Variants in TRIB3 observed in about 807,000 individuals in gnomAD.
TRIB3 encodes the protein tribbles pseudokinase 3, also known as tribbles homolog 3.
TRIB3 carries 20 observed loss-of-function variants against 16.6 expected under a neutral mutation model. That is an observed-to-expected ratio of 1.20 (90% CI 0.85 to 1.75). TRIB3 has a LOEUF of 1.75. Ranked by LOEUF, TRIB3 falls within the 40% of genes most tolerant of loss-of-function variation. TRIB3 has a pLI of 0.00. For synonymous variants in TRIB3, 208 were observed against 217.0 expected (o/e 0.96, Z 0.36); for missense variants, 484 against 488.9 (o/e 0.99, Z 0.10).
intron 3 of TRIB3, among the ~76,000 whole-genome samples, chr20:394,079 G>C (rs1291611163): frequency 7.4e-6 from 1 of 134,994 alleles, no homozygotes; most frequent in Non-Finnish European, 1.5e-5. Flanking sequence ...TGCCCAGGTT[G>C]GAGTGCAGTG....
At chr20:382,703 C>A (rs1352900401) in intron 1 of TRIB3, 9 of 965,790 alleles carry the variant, frequency 9.3e-6, no homozygotes, top group Admixed American at 2.0e-5. Context: ...CATCCTGTTC[C>A]CACTTTACAG....
Position 396,730 on chromosome 20 carries a change from A to T in TRIB3, c.*40A>T. ...ACGCTCAGCTGCCAACAGTGGATTG[A>T]GTTTGGGGGTAGCTCCAAGCCTTCT... is the stretch of plus-strand genomic sequence containing the variant. On this transcript the variant is annotated 3_prime_UTR_variant, in exon 4 of 4. Transcript: ENST00000217233. The T allele has an allele frequency of 6.4e-7, 1 of 1,561,630 alleles. No individual in the cohort carries two copies. The highest frequency in any genetic ancestry group is 1.2e-5 in the South Asian group (1 of 83,600).
In TRIB3 at chr20:388,297, G is replaced by A. The variant is rs1402668838; in HGVS notation, c.287G>A (p.Cys96Tyr). The A allele has an allele frequency of 3.1e-6, 5 of 1,606,828 alleles. No individual in the cohort carries two copies. The East Asian group carries it at 9.0e-5, about 29-fold the overall frequency. The change falls in exon 2 of 4, where the codon TGC becomes TAC. Residue 96 changes from cysteine (C) to tyrosine (Y), a missense_variant. Physicochemically the swap from Cys to Tyr is radical, Grantham distance 194. Coordinates refer to ENST00000217233, the MANE Select transcript of TRIB3 (RefSeq NM_021158.5). ...LHCPTGTEYT[C>Y]KVYPVQEALA... ...TGCCCTACAGGCACTGAGTATACCT[G>A]CAAGGTACGTGCCCATGGGCGGCTG...
chr20:390,409 A>G (rs2014939817), intron 2 of TRIB3, among the ~76,000 whole-genome samples: 1 of 152,176 alleles, frequency 6.6e-6, no homozygotes, highest in Non-Finnish European at 1.5e-5. Context: ...GCATTTGTCA[A>G]TATTTGGTTT....
chr20:388,144 C>A lies in TRIB3; in HGVS notation c.134C>A (p.Pro45His), dbSNP rs200711201. Residue 45 changes from proline to histidine, a missense_variant, in exon 2 of 4, where the codon CCC becomes CAC. Pro to His is a moderately conservative substitution (Grantham distance 77). Coordinates refer to ENST00000217233, the MANE Select transcript of TRIB3 (RefSeq NM_021158.5). ...AGTGGGCCCCAGCCCAGACTGCCCC[C>A]CTGCCTGTTGCCCCTGAGCCCACCT... ...ARSGPQPRLP[P>H]CLLPLSPPTA... The A allele has an allele frequency of 1.1e-5, 17 of 1,614,136 alleles. No individual in the cohort carries two copies. In the Middle Eastern group the frequency reaches 5.0e-4, roughly 47 times the overall value.
At chr20:384,587 C>T (rs1235882654) in intron 1 of TRIB3, among the ~76,000 whole-genome samples, 1 of 152,184 alleles carries the variant, frequency 6.6e-6, no homozygotes, top group East Asian at 1.9e-4. Flanking sequence ...TGGTCTCGAT[C>T]TCCTGACCTT....
At chr20:384,401 G>GT (rs1463876764) in intron 1 of TRIB3, among the ~76,000 whole-genome samples, 4 of 151,888 alleles carry the variant, frequency 2.6e-5, no homozygotes, top group African/African-American at 9.7e-5. Flanking sequence ...GTCTTGCTCT[G>GT]TCCCCAGGCT....
intron 3 of TRIB3, 44 bp from the exon 4 acceptor site, chr20:396,154 G>C (rs556631405): frequency 1.3e-6 from 2 of 1,570,624 alleles, no homozygotes; most frequent in African/African-American, 2.7e-5. Flanking sequence ...TGGCATGGGG[G>C]TTCTGGGTAG....
rs764667685 is a variant in TRIB3, at chr20:388,247, C to T, written c.237C>T (p.Gly79=). Residue 79 remains glycine, a synonymous_variant, in exon 2 of 4, where the codon GGC becomes GGT. Coordinates refer to ENST00000217233, the MANE Select transcript of TRIB3 (RefSeq NM_021158.5). ...GPYVLLEPEE[G]GRAYQALHCP... ...ATGTCCTCCTGGAGCCCGAGGAGGG[C>T]GGGCGGGCCTACCAGGCCCTGCACT... The T allele has an allele frequency of 9.9e-6, 16 of 1,613,438 alleles. No individual in the cohort carries two copies. Among genetic ancestry groups the T allele is most frequent in the South Asian group, 2.2e-5 (2 of 91,076 alleles).
At chr20:392,815 C>A (rs2015018229) in intron 3 of TRIB3, among the ~76,000 whole-genome samples, 1 of 152,106 alleles carries the variant, frequency 6.6e-6, no homozygotes, top group African/African-American at 2.4e-5. Flanking sequence ...GCCTCGGCCT[C>A]CCAAAGTGCT....
At position 396,359 on chromosome 20, in the gene TRIB3, T is replaced by TGGCGC; in HGVS notation, c.747_751dup (p.Leu251ArgfsTer74). 2 of 1,613,708 alleles carry TGGCGC rather than the reference T, an allele frequency of 1.2e-6. No individual in the cohort carries two copies. The highest frequency in any genetic ancestry group is 1.7e-6 in the Non-Finnish European group (2 of 1,180,034). On this transcript the variant is annotated frameshift_variant, in exon 4 of 4. Coordinates refer to ENST00000217233, the MANE Select transcript of TRIB3 (RefSeq NM_021158.5). LOFTEE classifies it low-confidence loss of function (END_TRUNC). ...GCAGCCGATGTCTGGAGCCTGGGCG[T>TGGCGC]GGCGCTCTTCACCATGCTGGCCGGC... is the stretch of plus-strand genomic sequence containing the variant.
intron 3 of TRIB3, among the ~76,000 whole-genome samples, chr20:394,093 C>T (rs926233076): frequency 5.4e-5 from 8 of 149,132 alleles, no homozygotes; most frequent in African/African-American, 1.7e-4. Flanking sequence ...TGCAGTGGCA[C>T]GATCTCGGCT....
rs549482533 is a variant in TRIB3 at position 396,618 on chromosome 20, G to C, written c.1005G>C (p.Val335=). 6.2e-7 allele frequency: 1 copy of C among 1,613,014 alleles called. No individual in the cohort carries two copies. The highest frequency in any genetic ancestry group is 1.7e-5 in the Admixed American group (1 of 60,008). The stretch of plus-strand genomic sequence containing the variant: ...CCCATCTCTGGGAGGCTGCCCAGGT[G>C]GTCCCTGATGGACTGGGGCTGGACG... ...TRSHLWEAAQ[V]VPDGLGLDEA... is the part of the protein sequence containing the mutation. Residue 335 remains valine (V), a synonymous_variant, in exon 4 of 4, where the codon GTG becomes GTC. Transcript: ENST00000217233.
In TRIB3 at chr20:388,222, A is replaced by G. The variant is rs534352037; in HGVS notation, c.212A>G (p.Tyr71Cys). The G allele has an allele frequency of 3.1e-6, 5 of 1,613,698 alleles. No homozygotes were observed. Among genetic ancestry groups the G allele is most frequent in the Non-Finnish European group, 4.2e-6 (5 of 1,180,004 alleles). The change falls in exon 2 of 4, where the codon TAT becomes TGT. Residue 71 changes from tyrosine (Y) to cysteine (C), a missense_variant. Physicochemically the swap from Tyr to Cys is radical, Grantham distance 194. Coordinates refer to ENST00000217233, the MANE Select transcript of TRIB3 (RefSeq NM_021158.5). ...AVATASRLGP[Y>C]VLLEPEEGGR... is the part of the protein sequence containing the mutation. ...GCCACTGCCTCCCGTCTTGGGCCCTATGTCCTCCTGGAGCCCGAGGAGGGC... is the reference window on the plus strand; with the variant it reads ...GCCACTGCCTCCCGTCTTGGGCCCTGTGTCCTCCTGGAGCCCGAGGAGGGC...
At position 388,068 on chromosome 20, in the gene TRIB3, G is replaced by A; in HGVS notation, c.58G>A (p.Glu20Lys). Residue 20 changes from glutamate to lysine, a missense_variant, in exon 2 of 4, where the codon GAG becomes AAG. Transcript: ENST00000217233. ...AGSLSRKKRL[E>K]LDDNLDTERP... ...TTCCCTGTCCAGGAAGAAGCGGTTG[G>A]AGTTGGATGACAACTTAGATACCGA... is the stretch of plus-strand genomic sequence containing the variant. 6.2e-7 allele frequency: 1 copy of A among 1,614,124 alleles called. No individual in the cohort carries two copies. The highest frequency in any genetic ancestry group is 8.5e-7 in the Non-Finnish European group (1 of 1,180,024).
At chr20:395,903 G>C (rs2015111164) in intron 3 of TRIB3, among the ~76,000 whole-genome samples, 1 of 152,206 alleles carries the variant, frequency 6.6e-6, no homozygotes, top group Admixed American at 6.5e-5. Flanking sequence ...GCTGGTTTAA[G>C]AGAGGCTTAA....
intron 3 of TRIB3, among the ~76,000 whole-genome samples, chr20:392,764 G>T (rs2015016523): frequency 6.6e-6 from 1 of 152,040 alleles, no homozygotes; most frequent in South Asian, 2.1e-4. Context: ...TGCCATGTTG[G>T]CCAGGCTGGT....
In TRIB3 at chr20:396,488, T is replaced by A; in HGVS notation, c.875T>A (p.Val292Asp). ...AGLSAPARCL[V>D]RCLLRREPAE... Reference sequence around the variant, plus strand: ...CTCTCGGCCCCTGCCCGCTGTCTGGTTCGCTGCCTCCTTCGTCGGGAGCCA... The same window carrying A: ...CTCTCGGCCCCTGCCCGCTGTCTGGATCGCTGCCTCCTTCGTCGGGAGCCA... The change falls in exon 4 of 4, where the codon GTT becomes GAT. Residue 292 changes from valine (V) to aspartate (D), a missense_variant. By Grantham distance (152) the Val-to-Asp change is radical (BLOSUM62 -3). Transcript: ENST00000217233. 1 of 1,612,982 alleles carries A rather than the reference T, an allele frequency of 6.2e-7. No homozygotes were observed. Among genetic ancestry groups the A allele is most frequent in the Non-Finnish European group, 8.5e-7 (1 of 1,179,990 alleles).
intron 1 of TRIB3, chr20:382,680 C>A: frequency 8.5e-7 from 1 of 1,177,732 alleles, no homozygotes; most frequent in Non-Finnish European, 1.2e-6. Flanking sequence ...TCACGAAAAA[C>A]CTGTAAGCTT....
Sources: allele counts gnomAD v4.1 joint callset (sites outside exome capture counted in the v4.1 genomes callset), GRCh38; gene constraint gnomAD v4.1.1; transcripts MANE v1.5; gene names NCBI Gene and HGNC (gene_info 2026-07-23, HGNC 2026-07-21).